The following NHSL2 variants were observed in gnomAD, a reference collection of about 807,000 sequenced individuals.
NHSL2 encodes NHS-like protein 2.
In NHSL2, 27 loss-of-function variants were observed where a neutral mutation model predicts 53.4. That is an observed-to-expected ratio of 0.51 (90% CI 0.37 to 0.70). The LOEUF (loss-of-function observed/expected upper bound fraction) is 0.70. Ranked by LOEUF, NHSL2 falls within the 30% of genes least tolerant of loss-of-function variation. NHSL2 has a pLI of 0.00. For missense variants in NHSL2, 892 were observed against 980.1 expected (o/e 0.91, Z 1.20); for synonymous variants, 408 against 404.1 (o/e 1.01, Z -0.12).
intron 1 of NHSL2, among the ~76,000 whole-genome samples, chrX:71,955,942 AG>A (rs769925425): frequency 1.6e-3 from 174 of 111,325 alleles, no homozygotes; most frequent in African/African-American, 5.6e-3. Context: ...GGACAGCCTG[AG>A]GAACTTGCCT....
intron 1 of NHSL2, among the ~76,000 whole-genome samples, chrX:71,977,514 T>G (rs796811794): frequency 9.2e-6 from 1 of 108,186 alleles, no homozygotes; most frequent in South Asian, 4.1e-4. Context: ...CTCAACCTCC[T>G]GGGCTCAAGT....
intron 1 of NHSL2, among the ~76,000 whole-genome samples, chrX:71,993,084 C>T (rs955331334): frequency 1.8e-5 from 2 of 112,018 alleles, no homozygotes; most frequent in African/African-American, 6.5e-5. Flanking sequence ...CCTTCATTTC[C>T]ACATAGCCAG....
chrX:72,076,161 G>A (rs963706223), intron 1 of NHSL2, among the ~76,000 whole-genome samples: 1 of 110,953 alleles, frequency 9.0e-6, no homozygotes. Flanking sequence ...TCGAACTCCC[G>A]ACCTCAGGTG....
chrX:71,990,398 C>A (rs2147875929), intron 1 of NHSL2, among the ~76,000 whole-genome samples: 1 of 111,315 alleles, frequency 9.0e-6, no homozygotes, highest in South Asian at 3.8e-4. Context: ...TTTCCCCCAA[C>A]CCATGTCCTC....
chrX:72,112,348 A>T (rs777308552), intron 1 of NHSL2, among the ~76,000 whole-genome samples: 2 of 111,990 alleles, frequency 1.8e-5, no homozygotes, highest in South Asian at 7.4e-4. Context: ...TTCTTGAGAT[A>T]TAACTCACAT....
intron 1 of NHSL2, among the ~76,000 whole-genome samples, chrX:72,057,679 A>G (rs1281858439): frequency 8.9e-6 from 1 of 111,967 alleles, no homozygotes; most frequent in African/African-American, 3.3e-5. Flanking sequence ...GACCCCTCAG[A>G]GTTTCTGAGA....
chrX:71,917,928 G>A (rs747553648), intron 1 of NHSL2, among the ~76,000 whole-genome samples: 61 of 111,989 alleles, frequency 5.4e-4, no homozygotes, highest in African/African-American at 1.9e-3. Flanking sequence ...CTGTTTGTTC[G>A]TCAGGGAGTT....
At chrX:72,110,237 C>A (rs752362121) in intron 1 of NHSL2, among the ~76,000 whole-genome samples, 1 of 111,538 alleles carries the variant, frequency 9.0e-6, no homozygotes. Context: ...CCACCTACTG[C>A]GACAGAACCC....
At chrX:71,951,039 C>CACAA (rs1224072950) in intron 1 of NHSL2, among the ~76,000 whole-genome samples, 2 of 109,313 alleles carry the variant, frequency 1.8e-5, no homozygotes, top group African/African-American at 6.7e-5. Context: ...CACACACACA[C>CACAA]AAATACCTGG....
Position 72,003,637 on chromosome X carries a change from A to T in NHSL2, c.280+92270A>T, listed in dbSNP as rs772274330. On this transcript the variant is annotated intron_variant, in intron 1 of 7. Transcript: ENST00000633930. ...CGTGGGGCCTGGCCCATATCTTAAG[A>T]GATGGATCTATGTCCATAACACCCT... is the stretch of plus-strand genomic sequence containing the variant. Among the ~76,000 whole-genome samples the T allele has an allele frequency of 4.5e-5, 5 of 112,116 alleles. 1 individual carries two copies. In the South Asian group the frequency reaches 1.9e-3, roughly 42 times the overall value.
At chrX:71,985,963 A>G (rs2042001274) in intron 1 of NHSL2, among the ~76,000 whole-genome samples, 1 of 112,177 alleles carries the variant, frequency 8.9e-6, no homozygotes, top group African/African-American at 3.2e-5. Flanking sequence ...AGCCAAAAAC[A>G]TGATTGACAA....
intron 1 of NHSL2, among the ~76,000 whole-genome samples, chrX:71,916,120 T>C (rs2041627008): frequency 8.9e-6 from 1 of 111,844 alleles, no homozygotes. Flanking sequence ...CAATCCCTCC[T>C]GATCCCTCTG....
chrX:72,094,319 T>TG (rs2041926457), intron 1 of NHSL2, among the ~76,000 whole-genome samples: 1 of 111,689 alleles, frequency 9.0e-6, no homozygotes, highest in African/African-American at 3.3e-5. Flanking sequence ...TGATGCAATT[T>TG]ATACAGTTTA....
At chrX:71,985,109 C>T (rs2041997791) in intron 1 of NHSL2, among the ~76,000 whole-genome samples, 1 of 111,948 alleles carries the variant, frequency 8.9e-6, no homozygotes, top group South Asian at 3.7e-4. Flanking sequence ...AGGCATGAGC[C>T]ACCGTGCCCG....
At position 72,018,724 on chromosome X, in the gene NHSL2, C is replaced by G. The variant is rs557516451; in HGVS notation, c.280+107357C>G. Among the ~76,000 whole-genome samples the G allele has an allele frequency of 8.0e-5, 9 of 112,873 alleles. No individual in the cohort carries two copies. In the South Asian group the frequency reaches 2.9e-3, roughly 36 times the overall value. The stretch of plus-strand genomic sequence containing the variant: ...CGGGCCCCCGCCCGCCCTCCTCCCC[C>G]GCCCCGCGGAGTGGCGGCGCCAGCC... On this transcript the variant is annotated intron_variant, in intron 1 of 7. Coordinates refer to ENST00000633930, the MANE Select transcript of NHSL2 (RefSeq NM_001013627.3).
In NHSL2 at chrX:72,138,612, C is replaced by T; in HGVS notation, c.1064C>T (p.Pro355Leu). 8.6e-7 allele frequency: 1 copy of T among 1,167,979 alleles called. No homozygotes were observed. Among genetic ancestry groups the T allele is most frequent in the East Asian group, 3.2e-5 (1 of 30,836 alleles). The change falls in exon 6 of 8, where the codon CCT becomes CTT. Residue 355 changes from proline (P) to leucine (L), a missense_variant. Physicochemically the swap from Pro to Leu is moderately conservative, Grantham distance 98. Coordinates refer to ENST00000633930, the MANE Select transcript of NHSL2 (RefSeq NM_001013627.3). ...LRTPSSEPDE[P>L]HQARSGPNPP... ...ACTCCTTCCAGTGAGCCGGACGAAC[C>T]TCACCAGGCACGGAGTGGCCCAAAC...
At chrX:71,970,403 CTTTG>C (rs200748382) in intron 1 of NHSL2, among the ~76,000 whole-genome samples, 1,942 of 112,203 alleles carry the variant, frequency 0.017, 25 homozygotes, top group Non-Finnish European at 0.029. Context: ...AATTCAGTCT[CTTTG>C]TTTGTTATAA....
chrX:72,094,396 G>A (rs142096725), intron 1 of NHSL2, among the ~76,000 whole-genome samples: 116 of 111,880 alleles, frequency 1.0e-3, no homozygotes, highest in African/African-American at 3.7e-3. Context: ...TTCAAAACAT[G>A]CAGGGGGCTT....
At position 72,139,304 on chromosome X, in the gene NHSL2, C is replaced by T. The variant is rs375590305; in HGVS notation, c.1756C>T (p.Pro586Ser). ...GGTCAAAGATGAGCCAGGCCTCTTG[C>T]CTGAAGGTGGGTCAGCACTACCCAA... ...SLVKDEPGLL[P>S]EGGSALPKDQ... Residue 586 changes from proline (P) to serine (S), a missense_variant, in exon 6 of 8, where the codon CCT becomes TCT. Pro to Ser is a moderately conservative substitution (Grantham distance 74, BLOSUM62 -1). Coordinates refer to ENST00000633930, the MANE Select transcript of NHSL2 (RefSeq NM_001013627.3). 1.2e-5 allele frequency: 14 copies of T among 1,206,439 alleles called. No individual in the cohort carries two copies. The African/African-American group carries it at 2.5e-4, about 21-fold the overall frequency.
Sources: allele counts gnomAD v4.1 joint callset (sites outside exome capture counted in the v4.1 genomes callset), GRCh38; gene constraint gnomAD v4.1.1; transcripts MANE v1.5; gene names NCBI Gene and HGNC (gene_info 2026-07-23, HGNC 2026-07-21).